PHF20: variants seen among roughly 807,000 people sequenced by gnomAD.
The protein encoded by PHF20 is PHD finger protein 20, also known as glioma-expressed antigen 2.
A neutral mutation model predicts 113.5 loss-of-function variants in PHF20; 23 were observed. That is an observed-to-expected ratio of 0.20 (90% CI 0.15 to 0.29). The LOEUF (loss-of-function observed/expected upper bound fraction) is 0.29, where lower values mean the gene tolerates loss of function less well. Ranked by LOEUF, PHF20 falls within the 10% of genes least tolerant of loss-of-function variation. The probability of loss-of-function intolerance (pLI) is 1.00; values close to 1 mark genes in which losing one functional copy is unlikely to be tolerated. For synonymous variants in PHF20, 434 were observed against 457.3 expected (o/e 0.95, Z 0.65); for missense variants, 943 against 1,219.6 (o/e 0.77, Z 3.38).
chr20:35,920,639 G>T (rs549092856), intron 13 of PHF20, among the ~76,000 whole-genome samples: 6 of 152,262 alleles, frequency 3.9e-5, no homozygotes, highest in African/African-American at 1.4e-4. Context: ...ATTTACAGTT[G>T]AGAAGTGAAA....
intron 10 of PHF20, 130 bp downstream of exon 10, chr20:35,899,778 T>A: frequency 2.1e-6 from 2 of 948,996 alleles, no homozygotes; most frequent in Non-Finnish European, 3.2e-6. Context: ...CTGAACATAT[T>A]AAGTGATCCT....
At chr20:35,942,329 G>C (rs960907845) in intron 17 of PHF20, among the ~76,000 whole-genome samples, 1 of 152,170 alleles carries the variant, frequency 6.6e-6, no homozygotes, top group African/African-American at 2.4e-5. Context: ...CATATTATTA[G>C]AGAGCTGAAG....
rs752137046 is a variant in PHF20 at position 35,847,395 on chromosome 20, C to T, written c.301C>T (p.Arg101Cys). The change falls in exon 4 of 18, where the codon CGT becomes TGT. Residue 101 changes from arginine (R) to cysteine (C), a missense_variant. Transcript: ENST00000374012. ...GGTCCTTGCTTGCTGGTCTGATTGT[C>T]GTTTTTACCCGGCCAAAGTCACTGC... ...EQVLACWSDC[R>C]FYPAKVTAVN... The T allele has an allele frequency of 5.0e-6, 8 of 1,609,904 alleles. No homozygotes were observed. The highest frequency in any genetic ancestry group is 3.3e-5 in the Admixed American group (2 of 59,714).
intron 1 of PHF20, among the ~76,000 whole-genome samples, chr20:35,789,361 A>G (rs2041491005): frequency 6.6e-6 from 1 of 150,380 alleles, no homozygotes. Context: ...AATCTGGGAG[A>G]CAGAGGTTGC....
At chr20:35,816,861 G>A (rs1476933227) in intron 2 of PHF20, among the ~76,000 whole-genome samples, 2 of 148,516 alleles carry the variant, frequency 1.3e-5, no homozygotes, top group East Asian at 2.0e-4. Context: ...GTGCAATTTC[G>A]GCTTACTGCA....
intron 2 of PHF20, among the ~76,000 whole-genome samples, chr20:35,840,359 A>C (rs1466684733): frequency 6.6e-6 from 1 of 152,110 alleles, no homozygotes; most frequent in Non-Finnish European, 1.5e-5. Context: ...GCCCCTTCCC[A>C]CCTCTTATCC....
At chr20:35,929,395 A>G (rs2055706671) in intron 14 of PHF20, among the ~76,000 whole-genome samples, 1 of 152,252 alleles carries the variant, frequency 6.6e-6, no homozygotes, top group Non-Finnish European at 1.5e-5. Context: ...CCAAGGAAAG[A>G]ATAGTCAGAA....
At chr20:35,941,810 A>G (rs2055984687) in intron 17 of PHF20, among the ~76,000 whole-genome samples, 2 of 152,232 alleles carry the variant, frequency 1.3e-5, no homozygotes, top group South Asian at 2.1e-4. Context: ...AAGTGATGCC[A>G]TGAGGTGTGG....
At chr20:35,832,967 C>G (rs1392318070) in intron 2 of PHF20, among the ~76,000 whole-genome samples, 1 of 149,478 alleles carries the variant, frequency 6.7e-6, no homozygotes, top group African/African-American at 2.5e-5. Context: ...AGGAGAAACA[C>G]TTGAACCTGG....
chr20:35,931,433 G>A lies in PHF20; in HGVS notation c.2289G>A (p.Met763Ile), dbSNP rs543499886. The change falls in exon 15 of 18, where the codon ATG (methionine) becomes ATA (isoleucine). Residue 763 changes from methionine (M) to isoleucine (I), a missense_variant. Met to Ile is a conservative substitution (Grantham distance 10, BLOSUM62 1). This residue lies in a region of PHF20 where 349 missense variants were observed against 412.3 expected (regional missense o/e 0.85). Coordinates refer to ENST00000374012, the MANE Select transcript of PHF20 (RefSeq NM_016436.5). ...IEVLHGLQLK[M>I]SILQSREHPD... The stretch of plus-strand genomic sequence containing the variant: ...TTCTGCATGGCCTGCAGCTCAAGAT[G>A]AGCATCTTGCAGTAAGTGTGGCACC... 16 of 1,610,972 alleles carry A rather than the reference G, an allele frequency of 9.9e-6. No homozygotes were observed. The highest frequency in any genetic ancestry group is 8.8e-5 in the South Asian group (8 of 91,032).
chr20:35,845,480 C>T (rs1192522941), intron 3 of PHF20: 1 of 290,998 alleles, frequency 3.4e-6, no homozygotes, highest in Non-Finnish European at 7.4e-6. Flanking sequence ...ATCCTCCTTC[C>T]TCAGCCTCCT....
intron 2 of PHF20, among the ~76,000 whole-genome samples, chr20:35,835,668 G>A (rs758374677): frequency 1.2e-4 from 18 of 152,126 alleles, no homozygotes; most frequent in Non-Finnish European, 2.5e-4. Flanking sequence ...AGTGGCTCAC[G>A]CCTATAATCC....
At chr20:35,784,604 T>C (rs1168295539) in intron 1 of PHF20, among the ~76,000 whole-genome samples, 1 of 151,888 alleles carries the variant, frequency 6.6e-6, no homozygotes, top group Non-Finnish European at 1.5e-5. Flanking sequence ...GCCCAGCTAA[T>C]TTTTATGTTG....
chr20:35,946,465 G>C (rs2056085482), intron 17 of PHF20, among the ~76,000 whole-genome samples: 1 of 151,792 alleles, frequency 6.6e-6, no homozygotes, highest in Non-Finnish European at 1.5e-5. Context: ...AATAAATAAA[G>C]GGAGAAAATA....
At chr20:35,888,781 T>G (rs1236523819) in intron 9 of PHF20, among the ~76,000 whole-genome samples, 1 of 151,536 alleles carries the variant, frequency 6.6e-6, no homozygotes, top group East Asian at 1.9e-4. Flanking sequence ...AATTAATAAT[T>G]TACATGTCTT....
intron 3 of PHF20, among the ~76,000 whole-genome samples, chr20:35,844,489 C>T (rs2042587026): frequency 6.9e-6 from 1 of 144,474 alleles, no homozygotes; most frequent in South Asian, 2.3e-4. Context: ...AAGCTCCTCA[C>T]TCTGTCATTA....
chr20:35,781,091 G>T (rs983647915), intron 1 of PHF20, among the ~76,000 whole-genome samples: 2 of 151,034 alleles, frequency 1.3e-5, no homozygotes, highest in Non-Finnish European at 2.9e-5. Flanking sequence ...GACCTCAGGT[G>T]CTCCACCCAC....
chr20:35,889,817 C>G (rs1213763075), intron 9 of PHF20, among the ~76,000 whole-genome samples: 1 of 151,844 alleles, frequency 6.6e-6, no homozygotes, highest in East Asian at 1.9e-4. Flanking sequence ...CAACCTCTGT[C>G]CCCAGGTTCA....
In PHF20 at chr20:35,947,874, G is replaced by A. The variant is rs769802289; in HGVS notation, c.*247G>A. The A allele has an allele frequency of 6.9e-5, 27 of 389,612 alleles. No individual in the cohort carries two copies. The highest frequency in any genetic ancestry group is 1.2e-4 in the Non-Finnish European group (26 of 214,232). The allele number at this position is 389,612 out of a possible 1,614,324, so 24.1% of individuals were successfully genotyped here. A position where few individuals can be genotyped will look rare whatever the true frequency, so the allele number is the denominator to read the frequency against. ...GGGATTCCCCTCTTCTGTGCACATC[G>A]TTGAATGAAGAGAGTCTTTTTGCAC... On this transcript the variant is annotated 3_prime_UTR_variant, in exon 18 of 18. Coordinates refer to ENST00000374012, the MANE Select transcript of PHF20 (RefSeq NM_016436.5).
Sources: allele counts gnomAD v4.1 joint callset (sites outside exome capture counted in the v4.1 genomes callset), GRCh38; gene constraint gnomAD v4.1.1; regional missense constraint gnomAD v4.1.1; transcripts MANE v1.5; gene names NCBI Gene and HGNC (gene_info 2026-07-23, HGNC 2026-07-21).